The following AFAP1 variants were observed in gnomAD, a reference collection of about 807,000 sequenced individuals.
AFAP1 encodes the protein actin filament associated protein 1, also known as actin filament-associated protein 1.
A neutral mutation model predicts 93.9 loss-of-function variants in AFAP1; 75 were observed. That is an observed-to-expected ratio of 0.80 (90% CI 0.66 to 0.97). The LOEUF is 0.97. Among genes scored for constraint, AFAP1 ranks in the 50% least tolerant of loss-of-function variants. The pLI is 0.00. For missense variants in AFAP1, 1,201 were observed against 1,050.8 expected, an observed-to-expected ratio of 1.14 and a Z score of -1.98; for synonymous variants, 517 against 430.7, an observed-to-expected ratio of 1.20 and a Z score of -2.48.
chr4:7,827,669 T>TC (rs1721556293), intron 6 of AFAP1, among the ~76,000 whole-genome samples: 1 of 137,962 alleles, frequency 7.2e-6, no homozygotes, highest in Non-Finnish European at 1.5e-5. Flanking sequence ...CACCAACCCA[T>TC]AGAACAAAGA....
chr4:7,878,516 G>A (rs1441613866), intron 1 of AFAP1, among the ~76,000 whole-genome samples: 1 of 152,080 alleles, frequency 6.6e-6, no homozygotes, highest in Non-Finnish European at 1.5e-5. Flanking sequence ...AGAACAACAG[G>A]TGCCCTTGTT....
intron 2 of AFAP1, among the ~76,000 whole-genome samples, chr4:7,869,101 A>G (rs1716775885): frequency 1.3e-5 from 2 of 151,664 alleles, no homozygotes; most frequent in African/African-American, 4.8e-5. Flanking sequence ...GAAAAAGAGA[A>G]AGGGAAAGGG....
At chr4:7,842,976 G>C (rs1713234976) in intron 5 of AFAP1, 163 bp downstream of exon 5, 8 of 709,276 alleles carry the variant, frequency 1.1e-5, no homozygotes, top group Non-Finnish European at 1.8e-5. Context: ...CTGATGGCAT[G>C]TGGGGGCCCC....
At chr4:7,898,436 C>G (rs1443714595) in intron 1 of AFAP1, among the ~76,000 whole-genome samples, 7 of 151,826 alleles carry the variant, frequency 4.6e-5, no homozygotes, top group Non-Finnish European at 2.9e-5. Context: ...GCCTCCCAAC[C>G]CACCTCTCTC....
intron 10 of AFAP1, among the ~76,000 whole-genome samples, chr4:7,799,611 G>A (rs1278954441): frequency 1.3e-5 from 2 of 152,178 alleles, no homozygotes; most frequent in South Asian, 2.1e-4. Context: ...ACCATCTGGC[G>A]TGTGAATGCA....
At chr4:7,787,776 C>T (rs1305010444) in intron 11 of AFAP1, among the ~76,000 whole-genome samples, 1 of 152,176 alleles carries the variant, frequency 6.6e-6, no homozygotes, top group Non-Finnish European at 1.5e-5. Context: ...CAAGGTGCTG[C>T]CCAGGGCCTC....
chr4:7,767,599 C>T (rs1020009219), intron 17 of AFAP1, among the ~76,000 whole-genome samples: 8 of 152,186 alleles, frequency 5.3e-5, no homozygotes, highest in East Asian at 3.9e-4. Context: ...CCAGACTCAC[C>T]GACACACACG....
At chr4:7,864,304 T>A (rs1359244582) in intron 3 of AFAP1, among the ~76,000 whole-genome samples, 1 of 152,238 alleles carries the variant, frequency 6.6e-6, no homozygotes, top group African/African-American at 2.4e-5. Context: ...GCTTTTGCTT[T>A]AATTTACAGC....
At chr4:7,892,216 C>T (rs916766845) in intron 1 of AFAP1, among the ~76,000 whole-genome samples, 1 of 152,142 alleles carries the variant, frequency 6.6e-6, no homozygotes, top group Non-Finnish European at 1.5e-5. Flanking sequence ...AAAGAGGCTC[C>T]GGCACCATTT....
chr4:7,812,733 G>A (rs1482605949), intron 8 of AFAP1, among the ~76,000 whole-genome samples: 1 of 152,184 alleles, frequency 6.6e-6, no homozygotes, highest in Non-Finnish European at 1.5e-5. Flanking sequence ...AAAACCATGA[G>A]TATCATAAAC....
intron 4 of AFAP1, among the ~76,000 whole-genome samples, chr4:7,848,960 C>A (rs1413901304): frequency 6.6e-6 from 1 of 152,168 alleles, no homozygotes; most frequent in African/African-American, 2.4e-5. Flanking sequence ...ACATCAGGCA[C>A]ATCAGAGCCA....
In AFAP1 at chr4:7,786,529, AG is replaced by A. The variant is rs564923718; in HGVS notation, c.1413-219del. 4.5e-3 allele frequency among the ~76,000 whole-genome samples: 689 copies of A among 152,348 alleles called. 5 individuals carry two copies. The highest frequency in any genetic ancestry group is 7.1e-3 in the Admixed American group (109 of 15,308). ...CACATAATCTGCAGAACTGCGGCAC[AG>A]ATCGCCAGTAACCAACACCAGGTAC... On this transcript the variant is annotated intron_variant, in intron 11 of 17. Coordinates refer to ENST00000420658, the MANE Select transcript of AFAP1 (RefSeq NM_001134647.2).
chr4:7,880,548 G>A (rs1403303243), intron 1 of AFAP1, among the ~76,000 whole-genome samples: 2 of 152,204 alleles, frequency 1.3e-5, no homozygotes, highest in African/African-American at 2.4e-5. Flanking sequence ...AAAGTGCTGG[G>A]ATTACAGGCG....
At chr4:7,897,342 A>T (rs1260953402) in intron 1 of AFAP1, among the ~76,000 whole-genome samples, 1 of 152,208 alleles carries the variant, frequency 6.6e-6, no homozygotes, top group Admixed American at 6.5e-5. Flanking sequence ...CTGTAGGCTC[A>T]ATTCCATATA....
Position 7,793,766 on chromosome 4 carries a change from A to G in AFAP1, c.1327T>C (p.Ser443Pro), listed in dbSNP as rs1487970956. Reference sequence around the variant, plus strand: ...TAGTGCAGAGCCTCCGGGTCTGTGGACGATCCCGTCTCTGCGAGTAAAATC... The same window carrying G: ...TAGTGCAGAGCCTCCGGGTCTGTGGGCGATCCCGTCTCTGCGAGTAAAATC... ...IGILLAETGS[S>P]TDPEALHYDY... Residue 443 changes from serine (S) to proline (P), a missense_variant, in exon 11 of 18, where the codon TCC becomes CCC. Ser to Pro is a moderately conservative substitution (Grantham distance 74, BLOSUM62 -1). Coordinates refer to ENST00000420658, the MANE Select transcript of AFAP1 (RefSeq NM_001134647.2). 4 of 1,575,204 alleles carry G rather than the reference A, an allele frequency of 2.5e-6. No homozygotes were observed. The highest frequency in any genetic ancestry group is 1.3e-5 in the African/African-American group (1 of 74,452).
At chr4:7,766,421 T>C (rs1714585923) in intron 17 of AFAP1, among the ~76,000 whole-genome samples, 1 of 152,112 alleles carries the variant, frequency 6.6e-6, no homozygotes, top group Non-Finnish European at 1.5e-5. Context: ...GCCACATATG[T>C]TTAGCAAACA....
At chr4:7,766,560 C>T (rs948165938) in intron 17 of AFAP1, among the ~76,000 whole-genome samples, 4 of 114,164 alleles carry the variant, frequency 3.5e-5, no homozygotes, top group African/African-American at 3.7e-5. Context: ...GACTGTGTCA[C>T]GGGAGGGAAA....
chr4:7,892,709 C>T (rs28539821), intron 1 of AFAP1, among the ~76,000 whole-genome samples: 16,534 of 152,166 alleles, frequency 0.11, 1,121 homozygotes, highest in Non-Finnish European at 0.16. Flanking sequence ...CCCCAAGACT[C>T]AGCCTTTCCC....
At chr4:7,821,229 T>A (rs1720948103) in intron 6 of AFAP1, among the ~76,000 whole-genome samples, 1 of 152,210 alleles carries the variant, frequency 6.6e-6, no homozygotes, top group South Asian at 2.1e-4. Flanking sequence ...GTGTGAAGAT[T>A]ACCTGTCTTG....
Sources: allele counts gnomAD v4.1 joint callset (sites outside exome capture counted in the v4.1 genomes callset), GRCh38; gene constraint gnomAD v4.1.1; transcripts MANE v1.5; gene names NCBI Gene and HGNC (gene_info 2026-07-23, HGNC 2026-07-21).